Variants in ZNF560 observed in about 807,000 individuals in gnomAD.
The protein encoded by ZNF560 is zinc finger protein 560.
A neutral mutation model predicts 81.8 loss-of-function variants in ZNF560; 54 were observed. The observed-to-expected ratio is 0.66, with a 90% CI of 0.53 to 0.83. The LOEUF is 0.83. ZNF560 is among the 40% of genes least tolerant of loss of function. ZNF560 has a pLI of 0.00. For missense variants in ZNF560, 940 were observed against 932.4 expected (o/e 1.01, Z -0.11); for synonymous variants, 321 against 317.9 (o/e 1.01, Z -0.10).
chr19:9,451,203 T>C, the ZNF560 span, among the ~76,000 whole-genome samples: 2 of 152,112 alleles, frequency 1.3e-5, no homozygotes, highest in Non-Finnish European at 1.5e-5. Context: ...ACCAGAGACG[T>C]CACCCTACCT....
chr19:9,471,584 A>G (rs2073123676), intron 5 of ZNF560, among the ~76,000 whole-genome samples: 1 of 152,174 alleles, frequency 6.6e-6, no homozygotes, highest in East Asian at 1.9e-4. Flanking sequence ...CTACAAATTG[A>G]CTCATTTAGA....
At chr19:9,497,633 G>A (rs550365824) in intron 2 of ZNF560, among the ~76,000 whole-genome samples, 1 of 151,622 alleles carries the variant, frequency 6.6e-6, no homozygotes, top group South Asian at 2.1e-4. Context: ...ACGAGACGGC[G>A]AATACACAAA....
chr19:9,462,639 T>A (rs1211656533), downstream of ZNF560, among the ~76,000 whole-genome samples: 1 of 152,072 alleles, frequency 6.6e-6, no homozygotes, highest in Non-Finnish European at 1.5e-5. Context: ...TAAAAAATCT[T>A]TACACTATAG....
the ZNF560 span, among the ~76,000 whole-genome samples, chr19:9,452,865 A>G: frequency 5.3e-5 from 8 of 152,242 alleles, no homozygotes; most frequent in Non-Finnish European, 7.3e-5. Flanking sequence ...CAATTTACCC[A>G]TGTTACAAAC....
the ZNF560 span, among the ~76,000 whole-genome samples, chr19:9,458,701 T>C: frequency 6.6e-6 from 1 of 152,236 alleles, no homozygotes; most frequent in Non-Finnish European, 1.5e-5. Flanking sequence ...GATCACCTAG[T>C]TGCTACTGCA....
the ZNF560 span, among the ~76,000 whole-genome samples, chr19:9,505,269 C>T: frequency 6.6e-6 from 1 of 152,134 alleles, no homozygotes; most frequent in Non-Finnish European, 1.5e-5. Context: ...AATATATTGC[C>T]ATCCTTTGTA....
chr19:9,455,342 C>T, the ZNF560 span, among the ~76,000 whole-genome samples: 4 of 152,306 alleles, frequency 2.6e-5, no homozygotes, highest in East Asian at 5.8e-4. Context: ...CTGTCTGGCT[C>T]CTGCTCAGTT....
intron 2 of ZNF560, among the ~76,000 whole-genome samples, chr19:9,497,264 G>C (rs984981575): frequency 6.6e-6 from 1 of 152,002 alleles, no homozygotes; most frequent in Non-Finnish European, 1.5e-5. Flanking sequence ...GATGCAAATA[G>C]TATTACGGTT....
At position 9,466,480 on chromosome 19, in the gene ZNF560, G is replaced by A; in HGVS notation, c.*94C>T. On this transcript the variant is annotated 3_prime_UTR_variant, in exon 10 of 10. Coordinates refer to ENST00000301480, the MANE Select transcript of ZNF560 (RefSeq NM_152476.3). ...CTTTCTCACATTCCTTACATTGATA[G>A]TGTTACTTTCTCCTGTGAATTTTTA... 2 of 1,150,706 alleles carry A rather than the reference G, an allele frequency of 1.7e-6. No homozygotes were observed. The highest frequency in any genetic ancestry group is 3.1e-5 in the South Asian group (2 of 64,682). 71.3% of individuals were successfully genotyped at this position (1,150,706 alleles called of 1,614,324 possible).
At chr19:9,482,438 GA>G (rs1385694493) in intron 2 of ZNF560, among the ~76,000 whole-genome samples, 1 of 150,346 alleles carries the variant, frequency 6.7e-6, no homozygotes, top group African/African-American at 2.5e-5. Context: ...ATAAGGAAGG[GA>G]GGGGGGAAGG....
chr19:9,451,611 A>AT, the ZNF560 span, among the ~76,000 whole-genome samples: 12 of 152,236 alleles, frequency 7.9e-5, no homozygotes, highest in African/African-American at 2.9e-4. Flanking sequence ...ACAAAAATTG[A>AT]TAAGTAGGAC....
intron 2 of ZNF560, among the ~76,000 whole-genome samples, chr19:9,476,565 C>G (rs1412808072): frequency 6.6e-6 from 1 of 152,174 alleles, no homozygotes; most frequent in East Asian, 1.9e-4. Context: ...GCTGGGATTA[C>G]AGATGTGAGC....
chr19:9,446,080 G>A, the ZNF560 span, among the ~76,000 whole-genome samples: 1 of 152,084 alleles, frequency 6.6e-6, no homozygotes, highest in South Asian at 2.1e-4. Flanking sequence ...AGAACCAGAG[G>A]GCTTCTTCTG....
At chr19:9,452,049 CT>C in the ZNF560 span, among the ~76,000 whole-genome samples, 2 of 151,910 alleles carry the variant, frequency 1.3e-5, no homozygotes, top group Non-Finnish European at 2.9e-5. Flanking sequence ...GCGCTCCAGC[CT>C]GGGTGACACA....
At chr19:9,496,405 T>C (rs149411281) in intron 2 of ZNF560, among the ~76,000 whole-genome samples, 78 of 151,764 alleles carry the variant, frequency 5.1e-4, no homozygotes, top group Non-Finnish European at 8.8e-4. Context: ...TTTGTATTTT[T>C]AGTAGAGACA....
At chr19:9,460,259 C>T in the ZNF560 span, among the ~76,000 whole-genome samples, 1 of 152,184 alleles carries the variant, frequency 6.6e-6, no homozygotes. Flanking sequence ...TCATCGAAAG[C>T]AGCCACCTAC....
At position 9,469,649 on chromosome 19, in the gene ZNF560, T is replaced by C; in HGVS notation, c.510A>G (p.Thr170=). Reference sequence around the variant, plus strand: ...ACTCACCTTGGAGAACTCTTGGCAGTGTGCTCAACTCTTCCTCTTCCTCCA... The same window carrying C: ...ACTCACCTTGGAGAACTCTTGGCAGCGTGCTCAACTCTTCCTCTTCCTCCA... ...SWLEEEEELS[T]LPRVLQEWKM... The change falls in exon 8 of 10, where the codon ACA becomes ACG. Residue 170 remains threonine (T), a synonymous_variant. Transcript: ENST00000301480. 6.2e-7 allele frequency: 1 copy of C among 1,614,170 alleles called. No homozygotes were observed. The highest frequency in any genetic ancestry group is 8.5e-7 in the Non-Finnish European group (1 of 1,180,010).
rs2073049928 is a variant in ZNF560, at chr19:9,467,655, G to A, written c.1292C>T (p.Thr431Ile). The change falls in exon 10 of 10, where the codon ACC becomes ATC. Residue 431 changes from threonine (T) to isoleucine (I), a missense_variant. Physicochemically the swap from Thr to Ile is moderately conservative, Grantham distance 89. Coordinates refer to ENST00000301480, the MANE Select transcript of ZNF560 (RefSeq NM_152476.3). ...TTTCCCACAGTGGTCACATTTAAAG[G>A]TTTTCTCTCTGGCGTGACATCTTAT... ...EHIRCHAREK[T>I]FKCDHCGKAF... 1 of 1,613,988 alleles carries A rather than the reference G, an allele frequency of 6.2e-7. No homozygotes were observed. Among genetic ancestry groups the A allele is most frequent in the Non-Finnish European group, 8.5e-7 (1 of 1,179,994 alleles).
the ZNF560 span, among the ~76,000 whole-genome samples, chr19:9,506,172 T>C: frequency 6.6e-6 from 1 of 151,880 alleles, no homozygotes; most frequent in African/African-American, 2.4e-5. Flanking sequence ...TTTGTATTTT[T>C]AGTAGAGACA....
Sources: gnomAD v4.1 joint callset for allele counts (sites outside exome capture counted in the v4.1 genomes callset) on GRCh38, gnomAD v4.1.1 for gene constraint, MANE v1.5 for transcripts, NCBI Gene and HGNC (gene_info 2026-07-23, HGNC 2026-07-21) for gene names.